The following ARNT2 variants were observed in gnomAD, a reference collection of about 807,000 sequenced individuals.
The protein encoded by ARNT2 is ARNT protein 2.
Under a neutral mutation model 91.7 loss-of-function variants are expected in ARNT2, and 36 were observed. That is an observed-to-expected ratio of 0.39 (90% CI 0.30 to 0.52). ARNT2 has a LOEUF of 0.52. Ranked by LOEUF, ARNT2 falls within the 20% of genes least tolerant of loss-of-function variation. ARNT2 has a pLI of 0.72. For missense variants in ARNT2, 775 were observed against 939.3 expected (o/e 0.83, Z 2.29); for synonymous variants, 365 against 347.1 (o/e 1.05, Z -0.57).
intron 1 of ARNT2, among the ~76,000 whole-genome samples, chr15:80,417,023 T>G (rs2141558148): frequency 6.6e-6 from 1 of 152,308 alleles, no homozygotes; most frequent in South Asian, 2.1e-4. Context: ...AAAAAAAAAT[T>G]GTAACATTAA....
At chr15:80,589,538 C>A (rs543321601) in intron 17 of ARNT2, among the ~76,000 whole-genome samples, 1 of 152,184 alleles carries the variant, frequency 6.6e-6, no homozygotes, top group Non-Finnish European at 1.5e-5. Context: ...CCCAGTCTAC[C>A]ATGCCCTTCC....
chr15:80,485,269 TG>T (rs1469921860), intron 5 of ARNT2, among the ~76,000 whole-genome samples: 1 of 152,178 alleles, frequency 6.6e-6, no homozygotes, highest in African/African-American at 2.4e-5. Context: ...GACATGTGCT[TG>T]AGAATCCCCA....
At chr15:80,565,119 T>C (rs892441204) in intron 12 of ARNT2, among the ~76,000 whole-genome samples, 4 of 152,020 alleles carry the variant, frequency 2.6e-5, no homozygotes, top group South Asian at 2.1e-4. Context: ...GAGATGGGGT[T>C]TTGCCATGTT....
At chr15:80,431,299 G>C (rs184939775) in intron 1 of ARNT2, among the ~76,000 whole-genome samples, 338 of 152,298 alleles carry the variant, frequency 2.2e-3, no homozygotes, top group Middle Eastern at 6.8e-3. Context: ...GACCGTGGCA[G>C]TGGGATATAG....
chr15:80,449,677 G>T (rs1156606279), intron 1 of ARNT2, among the ~76,000 whole-genome samples: 1 of 152,134 alleles, frequency 6.6e-6, no homozygotes, highest in Non-Finnish European at 1.5e-5. Flanking sequence ...GTTTTGAGTG[G>T]GATAGTTCAA....
At chr15:80,464,816 A>G (rs1297016951) in intron 3 of ARNT2, among the ~76,000 whole-genome samples, 1 of 152,174 alleles carries the variant, frequency 6.6e-6, no homozygotes, top group East Asian at 1.9e-4. Context: ...GGAAAGGTAC[A>G]GTCTTCCTTC....
chr15:80,567,756 A>G (rs1898512987), intron 12 of ARNT2, among the ~76,000 whole-genome samples: 1 of 152,196 alleles, frequency 6.6e-6, no homozygotes, highest in African/African-American at 2.4e-5. Context: ...ATGCCCCCTC[A>G]GGGCACAGTT....
intron 8 of ARNT2, among the ~76,000 whole-genome samples, chr15:80,532,388 C>T (rs1318955820): frequency 6.6e-6 from 1 of 152,138 alleles, no homozygotes; most frequent in Non-Finnish European, 1.5e-5. Context: ...TTCCTGGAGG[C>T]AGTTTTGCTA....
intron 8 of ARNT2, among the ~76,000 whole-genome samples, chr15:80,518,134 A>G (rs1167713707): frequency 6.6e-6 from 1 of 151,956 alleles, no homozygotes; most frequent in Non-Finnish European, 1.5e-5. Flanking sequence ...GTGGGGTTTT[A>G]TATTAATGTT....
intron 1 of ARNT2, among the ~76,000 whole-genome samples, chr15:80,407,848 G>A (rs959571128): frequency 6.6e-6 from 1 of 152,178 alleles, no homozygotes. Context: ...CAATTAAGAA[G>A]GAGATTGTTT....
chr15:80,566,637 C>A (rs1211656442), intron 12 of ARNT2, among the ~76,000 whole-genome samples: 1 of 152,224 alleles, frequency 6.6e-6, no homozygotes, highest in Non-Finnish European at 1.5e-5. Context: ...GTTGTTAGCA[C>A]CTTACAGCCT....
At position 80,467,539 on chromosome 15, in the gene ARNT2, G is replaced by A. The variant is rs140856718; in HGVS notation, c.195-2679G>A. 3.3e-3 allele frequency among the ~76,000 whole-genome samples: 502 copies of A among 152,346 alleles called. 2 individuals carry two copies. Among genetic ancestry groups the A allele is most frequent in the Non-Finnish European group, 4.6e-3 (314 of 68,034 alleles). On this transcript the variant is annotated intron_variant, in intron 3 of 18. Transcript: ENST00000303329. ...GGTGTGGGTGCATGGGAGGAAAGCC[G>A]GTTCTCCAGGGTGTCTGGCGGGCAA...
chr15:80,486,509 C>T (rs1184067550), intron 5 of ARNT2, among the ~76,000 whole-genome samples: 1 of 152,144 alleles, frequency 6.6e-6, no homozygotes, highest in Admixed American at 6.5e-5. Flanking sequence ...CTCGTTGGTG[C>T]CTCTTCTCAT....
At position 80,508,160 on chromosome 15, in the gene ARNT2, G is replaced by T. The variant is rs201328752; in HGVS notation, c.627G>T (p.Arg209=). 8 of 1,614,038 alleles carry T rather than the reference G, an allele frequency of 5.0e-6. No homozygotes were observed. The African/African-American group carries it at 9.3e-5, about 19-fold the overall frequency. ...CTGTCCTTCTCTCTCTCTTAGGCCG[G>T]ATCTTGGACCTGAAGACTGGGACGG... The part of the protein sequence containing the change: ...LCTSENSMTG[R]ILDLKTGTVK... Residue 209 remains arginine (R), a synonymous_variant, in exon 6 of 19, where the codon CGG becomes CGT. Coordinates refer to ENST00000303329, the MANE Select transcript of ARNT2 (RefSeq NM_014862.4).
Position 80,563,156 on chromosome 15 carries a change from G to A in ARNT2, c.1233G>A (p.Met411Ile). 6.2e-7 allele frequency: 1 copy of A among 1,614,164 alleles called. No individual in the cohort carries two copies. Among genetic ancestry groups the A allele is most frequent in the Non-Finnish European group, 8.5e-7 (1 of 1,180,022 alleles). ...YRFRTKNREW[M>I]LIRTSSFTFQ... ...TTCGCACCAAGAACCGGGAGTGGAT[G>A]TTGATCCGCACCAGCAGCTTCACAT... is the stretch of plus-strand genomic sequence containing the variant. The change falls in exon 12 of 19, where the codon ATG (methionine) becomes ATA (isoleucine). Residue 411 changes from methionine (M) to isoleucine (I), a missense_variant. This residue lies in a region of ARNT2 where 285 missense variants were observed against 327.2 expected (regional missense o/e 0.87). Coordinates refer to ENST00000303329, the MANE Select transcript of ARNT2 (RefSeq NM_014862.4).
intron 3 of ARNT2, among the ~76,000 whole-genome samples, chr15:80,463,167 A>G (rs568616904): frequency 2.0e-5 from 3 of 152,218 alleles, no homozygotes; most frequent in Non-Finnish European, 2.9e-5. Flanking sequence ...CGCCTAAAGT[A>G]TTTCCAAGGC....
intron 3 of ARNT2, among the ~76,000 whole-genome samples, chr15:80,464,794 A>C (rs879783291): frequency 6.6e-6 from 1 of 152,136 alleles, no homozygotes; most frequent in Non-Finnish European, 1.5e-5. Flanking sequence ...ACTGGCCATG[A>C]AGGATGTTCC....
intron 1 of ARNT2, among the ~76,000 whole-genome samples, chr15:80,426,406 A>G (rs150688918): frequency 1.3e-5 from 2 of 152,268 alleles, no homozygotes; most frequent in East Asian, 3.9e-4. Flanking sequence ...GGGGGAGTAG[A>G]GCTGAGTTTT....
intron 5 of ARNT2, among the ~76,000 whole-genome samples, chr15:80,491,203 A>G (rs1897051976): frequency 6.6e-6 from 1 of 152,186 alleles, no homozygotes; most frequent in African/African-American, 2.4e-5. Context: ...CGCTGCTGAT[A>G]AAGACATACC....
Sources: allele counts gnomAD v4.1 joint callset (sites outside exome capture counted in the v4.1 genomes callset), GRCh38; gene constraint gnomAD v4.1.1; regional missense constraint gnomAD v4.1.1; transcripts MANE v1.5; gene names NCBI Gene and HGNC (gene_info 2026-07-23, HGNC 2026-07-21).